KNTC1: variants seen among roughly 807,000 people sequenced by gnomAD.
KNTC1 encodes the protein kinetochore associated 1, also known as kinetochore-associated protein 1.
A neutral mutation model predicts 314.4 loss-of-function variants in KNTC1; 253 were observed. That is an observed-to-expected ratio of 0.80 (90% confidence interval 0.73 to 0.89). KNTC1 has a LOEUF of 0.89. Among genes scored for constraint, KNTC1 ranks in the 40% least tolerant of loss-of-function variants. KNTC1 has a pLI of 0.00. For missense variants in KNTC1, 2,475 were observed against 2,572.9 expected (o/e 0.96, Z 0.82); for synonymous variants, 901 against 901.4 (o/e 1.00, Z 0.01).
intron 18 of KNTC1, among the ~76,000 whole-genome samples, 155 bp downstream of exon 18, chr12:122,557,844 T>A (rs1963703592): frequency 6.6e-6 from 1 of 152,218 alleles, no homozygotes; most frequent in South Asian, 2.1e-4. Flanking sequence ...ATAATTCACA[T>A]CCTATACAAT....
Position 122,551,447 on chromosome 12 carries a change from A to AT in KNTC1, c.1131-5dup. On this transcript the variant is annotated splice_polypyrimidine_tract_variant and intron_variant, in intron 14 of 63. Coordinates refer to ENST00000333479, the MANE Select transcript of KNTC1 (RefSeq NM_014708.6). Reference sequence around the variant, plus strand: ...AAAGACAAGCGCATTTATAGTTAAAATTTTTTCTAGATTGTCTGAAGACTC... The same window carrying AT: ...AAAGACAAGCGCATTTATAGTTAAAATTTTTTTCTAGATTGTCTGAAGACTC... 6.4e-7 allele frequency: 1 copy of AT among 1,573,498 alleles called. No homozygotes were observed. The highest frequency in any genetic ancestry group is 1.2e-5 in the South Asian group (1 of 86,888).
chr12:122,543,508 T>C, intron 6 of KNTC1, 92 bp from the exon 7 acceptor site: 1 of 924,180 alleles, frequency 1.1e-6, no homozygotes, highest in Non-Finnish European at 1.6e-6. Context: ...TGAACTAGAT[T>C]GTATTTAATT....
At chr12:122,532,644 T>C (rs578080205) in intron 2 of KNTC1, among the ~76,000 whole-genome samples, 2 of 152,336 alleles carry the variant, frequency 1.3e-5, no homozygotes, top group East Asian at 3.9e-4. Context: ...TTCTATCTAT[T>C]ATTAGCACGT....
At chr12:122,617,507 AGCCACCGCGCCTG>A (rs1164803300) in intron 57 of KNTC1, 1 of 340,556 alleles carries the variant, frequency 2.9e-6, no homozygotes, top group Non-Finnish European at 6.0e-6. Context: ...TACAGGTGTG[AGCCACCGCGCCTG>A]GCCAGTGTTC....
Position 122,577,075 on chromosome 12 carries a change from GTGT to G in KNTC1, c.2721+60_2721+62del, listed in dbSNP as rs537278544. On this transcript the variant is annotated intron_variant, in intron 30 of 63. Coordinates refer to ENST00000333479, the MANE Select transcript of KNTC1 (RefSeq NM_014708.6). ...CATTTCATATGGCTTCTTTGTTTCTGTGTTGTTGTTGTTGTTTTTTGAGACAGG... is the reference window on the plus strand; with the variant it reads ...CATTTCATATGGCTTCTTTGTTTCTGTGTTGTTGTTGTTTTTTGAGACAGG... The G allele has an allele frequency of 1.7e-4, 242 of 1,420,418 alleles. 1 individual carries two copies. The highest frequency in any genetic ancestry group is 9.5e-4 in the Middle Eastern group (4 of 4,198). 88.0% of individuals were successfully genotyped at this position (1,420,418 alleles called of 1,614,324 possible).
rs758235054 is a variant in KNTC1 at position 122,541,287 on chromosome 12, G to GCCTGCCTGCCTGCCTGCCTGCCTTCCTT, written c.446-760_446-759insGCCTGCCTGCCTGCCTGCCTTCCTTCCT. Among the ~76,000 whole-genome samples the GCCTGCCTGCCTGCCTGCCTGCCTTCCTT allele has an allele frequency of 1.5e-4, 18 of 120,972 alleles. 1 individual carries two copies. The highest frequency in any genetic ancestry group is 5.8e-4 in the African/African-American group (16 of 27,718). The allele number at this position is 120,972 out of a possible 152,430, so 79.4% of individuals were successfully genotyped here. A position where few individuals can be genotyped will look rare whatever the true frequency, so the allele number is the denominator to read the frequency against. On this transcript the variant is annotated intron_variant, in intron 5 of 63. Transcript: ENST00000333479. ...TGCCTGCCTGCCTGCCTGCCTGCCT[G>GCCTGCCTGCCTGCCTGCCTGCCTTCCTT]CCTTCCTTCCTTCCTTCCTTCCTTC...
At chr12:122,603,924 G>A (rs1289915747) in intron 48 of KNTC1, among the ~76,000 whole-genome samples, 8 of 152,148 alleles carry the variant, frequency 5.3e-5, no homozygotes, top group Non-Finnish European at 1.0e-4. Context: ...CTCAGGTCAG[G>A]AACTGGTTAG....
At position 122,582,779 on chromosome 12, in the gene KNTC1, C is replaced by T; in HGVS notation, c.3057C>T (p.His1019=). The change falls in exon 34 of 64, where the codon CAC becomes CAT. Residue 1019 remains histidine, a synonymous_variant. Coordinates refer to ENST00000333479, the MANE Select transcript of KNTC1 (RefSeq NM_014708.6). ...SSLVADLREQ[H]IKAHEVAQAK... is the part of the protein sequence containing the mutation. The stretch of plus-strand genomic sequence containing the variant: ...TGGTAGCAGATCTCCGTGAGCAGCA[C>T]ATTAAAGCTCACGAAGTTGCACAGG... 1 of 1,612,752 alleles carries T rather than the reference C, an allele frequency of 6.2e-7. No homozygotes were observed. Among genetic ancestry groups the T allele is most frequent in the Non-Finnish European group, 8.5e-7 (1 of 1,179,482 alleles).
chr12:122,563,753 G>C, intron 20 of KNTC1: 2 of 1,431,570 alleles, frequency 1.4e-6, no homozygotes, highest in Non-Finnish European at 1.8e-6. Context: ...GAATGATCTG[G>C]CTCTTCTTGT....
chr12:122,596,565 G>T (rs1871087912), intron 43 of KNTC1, among the ~76,000 whole-genome samples: 1 of 151,580 alleles, frequency 6.6e-6, no homozygotes. Context: ...TTTTGGCCAG[G>T]TATGGTGGCT....
rs771746590 is a variant in KNTC1 at position 122,624,559 on chromosome 12, T to G, written c.6516-39T>G. On this transcript the variant is annotated intron_variant, in intron 62 of 63. Coordinates refer to ENST00000333479, the MANE Select transcript of KNTC1 (RefSeq NM_014708.6). ...CCGGGATTGTAGGCACAAGGCACTG[T>G]GCTTGGCCTAACACTTCTTTTTCTT... 8 of 1,487,422 alleles carry G rather than the reference T, an allele frequency of 5.4e-6. No individual in the cohort carries two copies. The East Asian group carries it at 1.8e-4, about 34-fold the overall frequency. 92.1% of individuals were successfully genotyped at this position (1,487,422 alleles called of 1,614,324 possible).
At chr12:122,589,627 T>C (rs181155470) in intron 40 of KNTC1, among the ~76,000 whole-genome samples, 2 of 151,838 alleles carry the variant, frequency 1.3e-5, no homozygotes, top group Admixed American at 1.3e-4. Flanking sequence ...TGTTTTACCA[T>C]GCCTGGCCAA....
intron 19 of KNTC1, 48 bp downstream of exon 19, chr12:122,562,022 A>C (rs780150697): frequency 1.0e-5 from 16 of 1,539,008 alleles, no homozygotes; most frequent in Middle Eastern, 1.7e-4. Flanking sequence ...ATATACCTTT[A>C]TAATATGTTT....
intron 5 of KNTC1, among the ~76,000 whole-genome samples, chr12:122,540,571 T>G (rs1962226221): frequency 1.3e-5 from 2 of 152,182 alleles, no homozygotes; most frequent in Non-Finnish European, 2.9e-5. Flanking sequence ...AAATATATAC[T>G]TTTCCTAAAT....
In KNTC1 at chr12:122,619,602, C is replaced by T. The variant is rs570764715; in HGVS notation, c.6150-877C>T. On this transcript the variant is annotated intron_variant, in intron 59 of 63. Transcript: ENST00000333479. ...TAATTGTTTGTATTTTTAATAGAGA[C>T]GGGGTTTCTCCGTGTTAGCCAGGAT... 1.4e-4 allele frequency among the ~76,000 whole-genome samples: 21 copies of T among 151,912 alleles called. 1 individual carries two copies. The South Asian group carries it at 1.9e-3, about 14-fold the overall frequency.
intron 2 of KNTC1, among the ~76,000 whole-genome samples, chr12:122,530,965 T>C (rs1248812506): frequency 2.6e-5 from 4 of 152,128 alleles, no homozygotes; most frequent in Non-Finnish European, 4.4e-5. Context: ...ACCTTATTCT[T>C]TGCATTCTAT....
intron 33 of KNTC1, 130 bp downstream of exon 33, chr12:122,580,800 G>A (rs1245655011): frequency 3.9e-6 from 2 of 517,246 alleles, no homozygotes; most frequent in Non-Finnish European, 6.9e-6. Flanking sequence ...AGGCCAAGGT[G>A]AGTGGATCAC....
In KNTC1 at chr12:122,598,421, C is replaced by CTTTTTT. The variant is rs11395342; in HGVS notation, c.4563+495_4563+500dup. Among the ~76,000 whole-genome samples, 154 of 124,210 alleles carry CTTTTTT rather than the reference C, an allele frequency of 1.2e-3. 5 individuals carry two copies. Among genetic ancestry groups the CTTTTTT allele is most frequent in the East Asian group, 1.6e-3 (7 of 4,400 alleles). The allele number at this position is 124,210 out of a possible 152,430, so 81.5% of individuals were successfully genotyped here. ...GAAATGTCTTTTTTCTTTTTCTTTT[C>CTTTTTT]TTTTTTTTTTTTTTTTTGAGACAAG... On this transcript the variant is annotated intron_variant, in intron 44 of 63. Coordinates refer to ENST00000333479, the MANE Select transcript of KNTC1 (RefSeq NM_014708.6).
In KNTC1 at chr12:122,581,836, A is replaced by C. The variant is rs137956226; in HGVS notation, c.2983-869A>C. ...TAAAATACTTATAACAAAATGTTCC[A>C]TGTTAACAGTTATTTAGTTTGTAAT... On this transcript the variant is annotated intron_variant, in intron 33 of 63. Coordinates refer to ENST00000333479, the MANE Select transcript of KNTC1 (RefSeq NM_014708.6). Among the ~76,000 whole-genome samples the C allele has an allele frequency of 4.1e-3, 631 of 152,214 alleles. 2 individuals carry two copies. Among genetic ancestry groups the C allele is most frequent in the Non-Finnish European group, 6.6e-3 (448 of 67,994 alleles).
Sources: gnomAD v4.1 joint callset for allele counts (sites outside exome capture counted in the v4.1 genomes callset) on GRCh38, gnomAD v4.1.1 for gene constraint, MANE v1.5 for transcripts, NCBI Gene and HGNC (gene_info 2026-07-23, HGNC 2026-07-21) for gene names.